Variants in LCMT2 observed in about 807,000 individuals in gnomAD.
LCMT2 encodes leucine carboxyl methyltransferase 2, also known as tRNA wybutosine-synthesizing protein 4.
Under a neutral mutation model 42.0 loss-of-function variants are expected in LCMT2, and 34 were observed. That is an observed-to-expected ratio of 0.81 (90% confidence interval 0.62 to 1.08). The LOEUF is 1.08. LCMT2 is among the 50% of genes least tolerant of loss of function. The pLI is 0.00. For missense variants in LCMT2, 1,091 were observed against 889.4 expected (o/e 1.23, Z -2.88); for synonymous variants, 445 against 369.5 (o/e 1.20, Z -2.34).
Position 43,324,864 on chromosome 15 carries a change from A to G in LCMT2, c.*3565T>C, listed in dbSNP as rs1320515290. The G allele has an allele frequency of 6.6e-6, 1 of 152,182 alleles. No individual in the cohort carries two copies. The highest frequency in any genetic ancestry group is 1.5e-5 in the Non-Finnish European group (1 of 68,050). 9.4% of individuals were successfully genotyped at this position (152,182 alleles called of 1,614,324 possible). On this transcript the variant is annotated 3_prime_UTR_variant, in exon 1 of 1. Coordinates refer to ENST00000305641, the MANE Select transcript of LCMT2 (RefSeq NM_014793.5). The stretch of plus-strand genomic sequence containing the variant: ...TGGGCTGCTTGAGGTTGGGTTTGTG[A>G]TCACAAAATACATATGGAATAAGCT...
Position 43,326,690 on chromosome 15 carries a change from T to C in LCMT2, c.*1739A>G, listed in dbSNP as rs1169820405. On this transcript the variant is annotated 3_prime_UTR_variant, in exon 1 of 1. Transcript: ENST00000305641. ...TCTTGGCCTCCCAAAGTGCTGGAATTATAGGCGTGAGCCACCATGCCCAGC... is the reference window on the plus strand; with the variant it reads ...TCTTGGCCTCCCAAAGTGCTGGAATCATAGGCGTGAGCCACCATGCCCAGC... The C allele has an allele frequency of 1.3e-5, 2 of 152,332 alleles. No individual in the cohort carries two copies. The highest frequency in any genetic ancestry group is 4.8e-5 in the African/African-American group (2 of 41,470). 9.4% of individuals were successfully genotyped at this position (152,332 alleles called of 1,614,324 possible).
chr15:43,329,264 C>T lies in LCMT2; in HGVS notation c.1226G>A (p.Gly409Glu), dbSNP rs930591841. Residue 409 changes from glycine to glutamate, a missense_variant, in exon 1 of 1, where the codon GGG (glycine) becomes GAG (glutamate). By Grantham distance (98) the Gly-to-Glu change is moderately conservative. Coordinates refer to ENST00000305641, the MANE Select transcript of LCMT2 (RefSeq NM_014793.5). The stretch of plus-strand genomic sequence containing the variant: ...GCGTCCATCCCACTGAACTCCAGTC[C>T]CACAACTGCCTATTTGGCTGCCTTT... ...EWKGSQIGSC[G>E]TGVQWDGRLY... 1.9e-6 allele frequency: 3 copies of T among 1,613,950 alleles called. No homozygotes were observed. Among genetic ancestry groups the T allele is most frequent in the Non-Finnish European group, 2.5e-6 (3 of 1,180,024 alleles).
chr15:43,328,475 G>A lies in LCMT2; in HGVS notation c.2015C>T (p.Pro672Leu). The A allele has an allele frequency of 3.7e-6, 6 of 1,614,158 alleles. No homozygotes were observed. The highest frequency in any genetic ancestry group is 4.2e-6 in the Non-Finnish European group (5 of 1,180,012). ...NCFSFGTYFN[P>L]HTVTLDLSSL... is the part of the protein sequence containing the mutation. ...AGAAAGGTCTAATGTGACTGTATGG[G>A]GGTTGAAGTAGGTACCAAAGGAAAA... Residue 672 changes from proline to leucine, a missense_variant, in exon 1 of 1, where the codon CCC (proline) becomes CTC (leucine). Pro to Leu is a moderately conservative substitution (Grantham distance 98). Coordinates refer to ENST00000305641, the MANE Select transcript of LCMT2 (RefSeq NM_014793.5).
chr15:43,329,514 A>T lies in LCMT2; in HGVS notation c.976T>A (p.Ser326Thr). Residue 326 changes from serine to threonine, a missense_variant, in exon 1 of 1, where the codon TCA becomes ACA. Coordinates refer to ENST00000305641, the MANE Select transcript of LCMT2 (RefSeq NM_014793.5). Reference sequence around the variant, plus strand: ...GGATTTACGCGAGGAAATGCCTCTGAGGATGGAAACACTAGGGTGTGGGAG... The same window carrying T: ...GGATTTACGCGAGGAAATGCCTCTGTGGATGGAAACACTAGGGTGTGGGAG... ...TLSHTLVFPSSEAFPRVNPAS... is the reference protein window; with the variant it reads ...TLSHTLVFPSTEAFPRVNPAS... 1.9e-6 allele frequency: 3 copies of T among 1,614,214 alleles called. No individual in the cohort carries two copies. Among genetic ancestry groups the T allele is most frequent in the Non-Finnish European group, 2.5e-6 (3 of 1,180,026 alleles).
Position 43,330,533 on chromosome 15 carries a change from C to T in LCMT2, c.-44G>A. 3 of 1,506,376 alleles carry T rather than the reference C, an allele frequency of 2.0e-6. No individual in the cohort carries two copies. Among genetic ancestry groups the T allele is most frequent in the Non-Finnish European group, 2.7e-6 (3 of 1,131,534 alleles). 93.3% of individuals were successfully genotyped at this position (1,506,376 alleles called of 1,614,324 possible). A position where few individuals can be genotyped will look rare whatever the true frequency, so the allele number is the denominator to read the frequency against. ...AATGGCAGTCTGTCACGGTTGTGAG[C>T]CGCCCCTTGGTTAGCACACACCTCA... On this transcript the variant is annotated 5_prime_UTR_variant, in exon 1 of 1. Transcript: ENST00000305641.
chr15:43,329,870 G>A lies in LCMT2; in HGVS notation c.620C>T (p.Ala207Val). The A allele has an allele frequency of 1.2e-6, 2 of 1,613,610 alleles. No homozygotes were observed. Among genetic ancestry groups the A allele is most frequent in the Non-Finnish European group, 1.7e-6 (2 of 1,179,930 alleles). Residue 207 changes from alanine (A) to valine (V), a missense_variant, in exon 1 of 1, where the codon GCC becomes GTC. By Grantham distance (64) the Ala-to-Val change is moderately conservative (BLOSUM62 0). Transcript: ENST00000305641. ...ESAAALIAWA[A>V]QRFPNALFVV... ...GAAAAGGGCATTAGGAAAACGCTGG[G>A]CTGCCCAGGCGATGAGGGCCGCGGC...
In LCMT2 at chr15:43,330,195, A is replaced by G. The variant is rs1250965349; in HGVS notation, c.295T>C (p.Leu99=). 1.2e-5 allele frequency: 19 copies of G among 1,611,596 alleles called. No individual in the cohort carries two copies. Among genetic ancestry groups the G allele is most frequent in the Non-Finnish European group, 1.6e-5 (19 of 1,179,844 alleles). Residue 99 remains leucine, a synonymous_variant, in exon 1 of 1, where the codon TTA becomes CTA. Coordinates refer to ENST00000305641, the MANE Select transcript of LCMT2 (RefSeq NM_014793.5). ...GAGFDSLYFR[L]KTAGRLARAA... ...CGGGCCAGGCGGCCCGCGGTTTTTA[A>G]GCGAAAATAGAGCGAGTCGAAGCCA...
Position 43,326,453 on chromosome 15 carries a change from CTT to C in LCMT2, c.*1974_*1975del, listed in dbSNP as rs57402275. The C allele has an allele frequency of 4.8e-5, 7 of 146,974 alleles. No individual in the cohort carries two copies. The Middle Eastern group carries it at 0.01, about 216-fold the overall frequency. The allele number at this position is 146,974 out of a possible 1,614,324, so 9.1% of individuals were successfully genotyped here. A position where few individuals can be genotyped will look rare whatever the true frequency, so the allele number is the denominator to read the frequency against. ...AGGAAAGCTGAAGTTGGACAACAAC[CTT>C]TTTTTTTTTTCTTTTTAAGAGACGG... is the stretch of plus-strand genomic sequence containing the variant. On this transcript the variant is annotated 3_prime_UTR_variant, in exon 1 of 1. Coordinates refer to ENST00000305641, the MANE Select transcript of LCMT2 (RefSeq NM_014793.5).
Position 43,323,860 on chromosome 15 carries a change from A to T in LCMT2, c.*4569T>A, listed in dbSNP as rs1218093977. On this transcript the variant is annotated 3_prime_UTR_variant, in exon 1 of 1. Coordinates refer to ENST00000305641, the MANE Select transcript of LCMT2 (RefSeq NM_014793.5). Reference sequence around the variant, plus strand: ...CAGTTTGTGCATAAGAACTATAGTAATATTCAAATATAATTTATTTGAGTA... The same window carrying T: ...CAGTTTGTGCATAAGAACTATAGTATTATTCAAATATAATTTATTTGAGTA... The T allele has an allele frequency of 6.6e-6, 1 of 152,224 alleles. No individual in the cohort carries two copies. The highest frequency in any genetic ancestry group is 6.5e-5 in the Admixed American group (1 of 15,282). The allele number at this position is 152,224 out of a possible 1,614,324, so 9.4% of individuals were successfully genotyped here.
In LCMT2 at chr15:43,325,346, C is replaced by T. The variant is rs994277031; in HGVS notation, c.*3083G>A. 2 of 152,210 alleles carry T rather than the reference C, an allele frequency of 1.3e-5. No individual in the cohort carries two copies. The highest frequency in any genetic ancestry group is 2.9e-5 in the Non-Finnish European group (2 of 68,040). 9.4% of individuals were successfully genotyped at this position (152,210 alleles called of 1,614,324 possible). ...TTATTATCCAGCTTTGGTTCTCAAT[C>T]TGGCTCACACCTCCAACTGTGCAGA... On this transcript the variant is annotated 3_prime_UTR_variant, in exon 1 of 1. Transcript: ENST00000305641.
In LCMT2 at chr15:43,330,400, G is replaced by A; in HGVS notation, c.90C>T (p.Arg30=). ...CGGCAAAGGGGTCCTGCACGTACCCGCGCGCGGCCAGGGAACGCTTGCTGA... is the reference window on the plus strand; with the variant it reads ...CGGCAAAGGGGTCCTGCACGTACCCACGCGCGGCCAGGGAACGCTTGCTGA... ...SALSKRSLAA[R]GYVQDPFAAL... Residue 30 remains arginine, a synonymous_variant, in exon 1 of 1, where the codon CGC becomes CGT. Transcript: ENST00000305641. 2.6e-6 allele frequency: 4 copies of A among 1,538,196 alleles called. No individual in the cohort carries two copies. The highest frequency in any genetic ancestry group is 2.3e-5 in the South Asian group (2 of 85,266).
In LCMT2 at chr15:43,326,104, G is replaced by A. The variant is rs1275288555; in HGVS notation, c.*2325C>T. ...GAGTTTCACCATATTGGCCAGGCTG[G>A]TCTCCAACTCCTGAGTTCAAGTGAT... is the stretch of plus-strand genomic sequence containing the variant. On this transcript the variant is annotated 3_prime_UTR_variant, in exon 1 of 1. Coordinates refer to ENST00000305641, the MANE Select transcript of LCMT2 (RefSeq NM_014793.5). 1 of 132,236 alleles carries A rather than the reference G, an allele frequency of 7.6e-6. No homozygotes were observed. The highest frequency in any genetic ancestry group is 1.5e-5 in the Non-Finnish European group (1 of 64,954). The allele number at this position is 132,236 out of a possible 1,614,324, so 8.2% of individuals were successfully genotyped here. A position where few individuals can be genotyped will look rare whatever the true frequency, so the allele number is the denominator to read the frequency against.
rs758903020 is a variant in LCMT2, at chr15:43,330,238, C to G, written c.252G>C (p.Gln84His). The change falls in exon 1 of 1, where the codon CAG becomes CAC. Residue 84 changes from glutamine (Q) to histidine (H), a missense_variant. Transcript: ENST00000305641. ...CGAAGCCAGCGCCGAGAGACAAGAT[C>G]TGCGCGCGAAGCGCGGCCTGGGGCG... is the stretch of plus-strand genomic sequence containing the variant. ...IGAPQAALRA[Q>H]ILSLGAGFDS... 17 of 1,607,018 alleles carry G rather than the reference C, an allele frequency of 1.1e-5. No individual in the cohort carries two copies. The highest frequency in any genetic ancestry group is 1.4e-5 in the Non-Finnish European group (17 of 1,178,928).
chr15:43,328,544 G>A lies in LCMT2; in HGVS notation c.1946C>T (p.Pro649Leu), dbSNP rs1566854268. Residue 649 changes from proline (P) to leucine (L), a missense_variant, in exon 1 of 1, where the codon CCT becomes CTT. Transcript: ENST00000305641. Reference sequence around the variant, plus strand: ...AAGGAGCAGGAGCTGTTGCTCTTCAGGAAGAAGGATACTAGTATGGTTGTG... The same window carrying A: ...AAGGAGCAGGAGCTGTTGCTCTTCAAGAAGAAGGATACTAGTATGGTTGTG... ...MLHNHTSILL[P>L]EEQQLLLLGG... 7.4e-6 allele frequency: 12 copies of A among 1,614,228 alleles called. No individual in the cohort carries two copies. The highest frequency in any genetic ancestry group is 1.0e-5 in the Non-Finnish European group (12 of 1,180,044).
rs1403777859 is a variant in LCMT2 at position 43,328,349 on chromosome 15, G to T, written c.*80C>A. 1.3e-5 allele frequency: 18 copies of T among 1,403,404 alleles called. No homozygotes were observed. Among genetic ancestry groups the T allele is most frequent in the Non-Finnish European group, 1.8e-5 (18 of 1,027,284 alleles). 86.9% of individuals were successfully genotyped at this position (1,403,404 alleles called of 1,614,324 possible). ...AAGGATGGGGAAAGGAGGAGTGGCA[G>T]TATCTATAGCTAGAGGGTCATCCTA... is the stretch of plus-strand genomic sequence containing the variant. On this transcript the variant is annotated 3_prime_UTR_variant, in exon 1 of 1. Coordinates refer to ENST00000305641, the MANE Select transcript of LCMT2 (RefSeq NM_014793.5).
chr15:43,330,566 C>T lies in LCMT2; in HGVS notation c.-77G>A. On this transcript the variant is annotated 5_prime_UTR_variant, in exon 1 of 1. Transcript: ENST00000305641. The stretch of plus-strand genomic sequence containing the variant: ...TGGTTAGCACACACCTCACGGACCT[C>T]GGTAGGGGGAAAAAAACCACCCATG... The T allele has an allele frequency of 6.9e-7, 1 of 1,456,992 alleles. No individual in the cohort carries two copies. Among genetic ancestry groups the T allele is most frequent in the Non-Finnish European group, 9.0e-7 (1 of 1,106,496 alleles). 90.3% of individuals were successfully genotyped at this position (1,456,992 alleles called of 1,614,324 possible).
chr15:43,329,837 T>A lies in LCMT2; in HGVS notation c.653A>T (p.Tyr218Phe). 6.2e-7 allele frequency: 1 copy of A among 1,613,868 alleles called. No homozygotes were observed. The highest frequency in any genetic ancestry group is 8.5e-7 in the Non-Finnish European group (1 of 1,180,022). ...QRFPNALFVV[Y>F]EQMRPQDAFG... ...GGCGTCTTGAGGCCTCATCTGCTCATAGACCACGAAAAGGGCATTAGGAAA... is the reference window on the plus strand; with the variant it reads ...GGCGTCTTGAGGCCTCATCTGCTCAAAGACCACGAAAAGGGCATTAGGAAA... The change falls in exon 1 of 1, where the codon TAT becomes TTT. Residue 218 changes from tyrosine to phenylalanine, a missense_variant. By Grantham distance (22) the Tyr-to-Phe change is conservative (BLOSUM62 3). Coordinates refer to ENST00000305641, the MANE Select transcript of LCMT2 (RefSeq NM_014793.5).
chr15:43,329,064 T>C lies in LCMT2; in HGVS notation c.1426A>G (p.Thr476Ala). The C allele has an allele frequency of 3.1e-6, 5 of 1,614,150 alleles. No homozygotes were observed. Among genetic ancestry groups the C allele is most frequent in the Non-Finnish European group, 4.2e-6 (5 of 1,180,030 alleles). Reference sequence around the variant, plus strand: ...GTTGAATGCCGCCAACAACACAAAGTGGAATCATCCTTTCGGCCAGCCTTT... The same window carrying C: ...GTTGAATGCCGCCAACAACACAAAGCGGAATCATCCTTTCGGCCAGCCTTT... Reference protein sequence around the residue: ...ITKAGRKDDSTLCCWRHSTTE... With the variant: ...ITKAGRKDDSALCCWRHSTTE... Residue 476 changes from threonine (T) to alanine (A), a missense_variant, in exon 1 of 1, where the codon ACT becomes GCT. Physicochemically the swap from Thr to Ala is moderately conservative, Grantham distance 58 (BLOSUM62 0). Transcript: ENST00000305641.
At position 43,328,826 on chromosome 15, in the gene LCMT2, G is replaced by T; in HGVS notation, c.1664C>A (p.Ser555Tyr). 1 of 1,613,540 alleles carries T rather than the reference G, an allele frequency of 6.2e-7. No individual in the cohort carries two copies. ...GAGCACAGAGTTCAATGGCTCCTCA[G>T]AAGCCCCGAGACCTCCAGCAATAAG... ...GALIAGGLGA[S>Y]EEPLNSVLFL... Residue 555 changes from serine to tyrosine, a missense_variant, in exon 1 of 1, where the codon TCT becomes TAT. Transcript: ENST00000305641.
Sources: allele counts gnomAD v4.1 joint callset, GRCh38; gene constraint gnomAD v4.1.1; transcripts MANE v1.5; gene names NCBI Gene and HGNC (gene_info 2026-07-23, HGNC 2026-07-21).